Variants in VWA8 observed in about 807,000 individuals in gnomAD.
VWA8 encodes von Willebrand factor A domain-containing protein 8.
VWA8 carries 221 observed loss-of-function variants against 241.5 expected under a neutral mutation model. The ratio of observed to expected loss-of-function variants is 0.91; its 90% CI spans 0.82 to 1.02. The LOEUF is 1.02. Among genes scored for constraint, VWA8 ranks in the 50% least tolerant of loss-of-function variants. The probability of loss-of-function intolerance (pLI) is 0.00; values close to 1 mark genes in which losing one functional copy is unlikely to be tolerated. For synonymous variants in VWA8, 852 were observed against 827.1 expected (o/e 1.03, Z -0.52); for missense variants, 2,322 against 2,328.7 (o/e 1.00, Z 0.06).
intron 38 of VWA8, 85 bp downstream of exon 38, chr13:41,614,891 G>T: frequency 7.5e-7 from 1 of 1,340,324 alleles, no homozygotes; most frequent in Non-Finnish European, 1.1e-6. Flanking sequence ...GCCCGTCTCT[G>T]AGTCTTCTCA....
At chr13:41,871,105 C>G (rs12871356) in intron 9 of VWA8, among the ~76,000 whole-genome samples, 28,762 of 151,976 alleles carry the variant, frequency 0.19, 3,482 homozygotes, top group East Asian at 0.37. Flanking sequence ...CATAATGATT[C>G]TACCTTCAAA....
chr13:41,645,989 G>A (rs1028771242), intron 37 of VWA8, among the ~76,000 whole-genome samples: 1 of 143,878 alleles, frequency 7.0e-6, no homozygotes, highest in Non-Finnish European at 1.5e-5. Flanking sequence ...TTTTTGAGAC[G>A]GAGTTTTGCT....
chr13:41,909,501 C>T (rs746044302), intron 3 of VWA8, among the ~76,000 whole-genome samples: 86 of 152,168 alleles, frequency 5.7e-4, no homozygotes, highest in Non-Finnish European at 1.0e-3. Context: ...CTCTTGTTGG[C>T]AGGTATTACT....
At chr13:41,760,898 C>A (rs1030159663) in intron 21 of VWA8, among the ~76,000 whole-genome samples, 2 of 151,980 alleles carry the variant, frequency 1.3e-5, no homozygotes, top group Non-Finnish European at 2.9e-5. Flanking sequence ...GTTCATCACT[C>A]TCTGTCCACA....
intron 40 of VWA8, among the ~76,000 whole-genome samples, chr13:41,595,417 TGTAATAAA>T (rs1375210229): frequency 6.6e-6 from 1 of 152,152 alleles, no homozygotes; most frequent in East Asian, 1.9e-4. Context: ...TTTAAGTACT[TGTAATAAA>T]GTATACAAAT....
rs539964477 is a variant in VWA8, at chr13:41,927,982, G to A, written c.242-15814C>T. 3.9e-4 allele frequency among the ~76,000 whole-genome samples: 59 copies of A among 152,222 alleles called. 1 individual carries two copies. Among genetic ancestry groups the A allele is most frequent in the South Asian group, 1.5e-3 (7 of 4,824 alleles). ...TAATATCTAATAAAATAGACTTCAC[G>A]TCAAATTCTGTCACAAGAGACAAAG... On this transcript the variant is annotated intron_variant, in intron 2 of 44. Transcript: ENST00000379310.
chr13:41,925,529 A>G (rs1164622658), intron 2 of VWA8: 1 of 153,154 alleles, frequency 6.5e-6, no homozygotes, highest in Non-Finnish European at 1.5e-5. Context: ...TATGTGGCAG[A>G]AGTTAAGTTG....
chr13:41,839,323 C>T (rs1425840160), intron 12 of VWA8, among the ~76,000 whole-genome samples: 5 of 152,078 alleles, frequency 3.3e-5, no homozygotes, highest in Admixed American at 2.0e-4. Flanking sequence ...TCATATCCTT[C>T]GCCCACTGTT....
rs558032123 is a variant in VWA8, at chr13:41,830,306, GTT to G, written c.1700+221_1700+222del. Among the ~76,000 whole-genome samples, 1,285 of 142,656 alleles carry G rather than the reference GTT, an allele frequency of 9.0e-3. 28 individuals carry two copies. The highest frequency in any genetic ancestry group is 0.03 in the African/African-American group (1,143 of 38,028). 93.6% of individuals were successfully genotyped at this position (142,656 alleles called of 152,430 possible). ...AAAAGCAAATAAAACAGTTGATTAGGTTTTTTTTTTTAAAAAAAAAAAGTAAG... is the reference window on the plus strand; with the variant it reads ...AAAAGCAAATAAAACAGTTGATTAGGTTTTTTTTTAAAAAAAAAAAGTAAG... On this transcript the variant is annotated intron_variant, in intron 14 of 44. Coordinates refer to ENST00000379310, the MANE Select transcript of VWA8 (RefSeq NM_015058.2).
chr13:41,618,244 T>C (rs2044634370), intron 37 of VWA8, among the ~76,000 whole-genome samples: 2 of 152,276 alleles, frequency 1.3e-5, no homozygotes, highest in South Asian at 4.1e-4. Context: ...ATAAGCATTT[T>C]TTCATGTGTC....
intron 13 of VWA8, 148 bp downstream of exon 13, chr13:41,833,223 T>C (rs1328957182): frequency 1.1e-6 from 1 of 917,448 alleles, no homozygotes; most frequent in South Asian, 3.1e-5. Flanking sequence ...AATAAAAAAG[T>C]GCCATTCTAC....
chr13:41,805,208 C>CA (rs2137965905), intron 17 of VWA8, among the ~76,000 whole-genome samples: 1 of 151,960 alleles, frequency 6.6e-6, no homozygotes, highest in African/African-American at 2.4e-5. Context: ...AATAAAGGGA[C>CA]AGAAAAAAAT....
intron 12 of VWA8, among the ~76,000 whole-genome samples, chr13:41,843,505 A>G (rs781560244): frequency 3.3e-5 from 5 of 152,308 alleles, no homozygotes; most frequent in Non-Finnish European, 7.4e-5. Flanking sequence ...TCAGAGCACA[A>G]CTGAATAAAA....
At chr13:41,703,987 C>T (rs1300156745) in intron 26 of VWA8, among the ~76,000 whole-genome samples, 2 of 151,880 alleles carry the variant, frequency 1.3e-5, no homozygotes, top group African/African-American at 4.8e-5. Flanking sequence ...AGGTTGGTCT[C>T]GACCTCAGGT....
intron 2 of VWA8, among the ~76,000 whole-genome samples, chr13:41,917,488 C>T (rs574403931): frequency 4.6e-5 from 7 of 152,202 alleles, no homozygotes; most frequent in Non-Finnish European, 1.0e-4. Context: ...TTGTAGTTTC[C>T]TTATTTTCAA....
At chr13:41,859,863 A>G (rs1362552519) in intron 12 of VWA8, among the ~76,000 whole-genome samples, 1 of 152,218 alleles carries the variant, frequency 6.6e-6, no homozygotes. Context: ...GTGTAGCTTT[A>G]TACATGTACA....
At chr13:41,795,315 T>A (rs1350380188) in intron 17 of VWA8, among the ~76,000 whole-genome samples, 4 of 152,164 alleles carry the variant, frequency 2.6e-5, no homozygotes, top group African/African-American at 9.7e-5. Context: ...GGCTAGGCTG[T>A]GGAGAAATAG....
intron 20 of VWA8, among the ~76,000 whole-genome samples, chr13:41,761,752 T>C (rs1396574779): frequency 6.6e-6 from 1 of 152,108 alleles, no homozygotes; most frequent in East Asian, 1.9e-4. Flanking sequence ...TTAATAAAAC[T>C]CAACTATATG....
At position 41,788,127 on chromosome 13, in the gene VWA8, G is replaced by A. The variant is rs202177864; in HGVS notation, c.2064-584C>T. 1.3e-4 allele frequency among the ~76,000 whole-genome samples: 20 copies of A among 152,286 alleles called. No homozygotes were observed. The East Asian group carries it at 3.9e-3, about 29-fold the overall frequency. ...AACGGATTATGAGCATCATGTGCCT[G>A]AGGCATGAAACATAGTTTCCCACCT... On this transcript the variant is annotated intron_variant, in intron 17 of 44. Transcript: ENST00000379310.
Sources: gnomAD v4.1 joint callset for allele counts (sites outside exome capture counted in the v4.1 genomes callset) on GRCh38, gnomAD v4.1.1 for gene constraint, MANE v1.5 for transcripts, NCBI Gene and HGNC (gene_info 2026-07-23, HGNC 2026-07-21) for gene names.